SIDT2: variants seen among roughly 807,000 people sequenced by gnomAD.
The protein encoded by SIDT2 is SID1 transmembrane family, member 2.
A neutral mutation model predicts 114.4 loss-of-function variants in SIDT2; 68 were observed. The ratio of observed to expected loss-of-function variants is 0.59; its 90% CI spans 0.49 to 0.73. The LOEUF (loss-of-function observed/expected upper bound fraction) is 0.73. Ranked by LOEUF, SIDT2 falls within the 30% of genes least tolerant of loss-of-function variation. The probability of loss-of-function intolerance (pLI) is 0.00; values close to 1 mark genes in which losing one functional copy is unlikely to be tolerated. For missense variants in SIDT2, 918 were observed against 1,097.1 expected, an observed-to-expected ratio of 0.84 and a Z score of 2.31; for synonymous variants, 470 against 438.4, an observed-to-expected ratio of 1.07 and a Z score of -0.90.
Position 117,192,786 on chromosome 11 carries a change from T to TGCCCTC in SIDT2, c.2059-33_2059-28dup. On this transcript the variant is annotated intron_variant, in intron 21 of 25. Transcript: ENST00000324225. This position sits in a 1 kb window ranked among gnomAD's most constrained non-coding sequence, Gnocchi z 5.9. ...CTTCTTCCACCACCCTCCCTGCCCC[T>TGCCCTC]GCCCTCAGTCCCTGTGTCCCTGCTT... 1.2e-6 allele frequency: 2 copies of TGCCCTC among 1,614,004 alleles called. No homozygotes were observed. The highest frequency in any genetic ancestry group is 2.7e-5 in the African/African-American group (2 of 75,026).
At position 117,188,927 on chromosome 11, in the gene SIDT2, A is replaced by G; in HGVS notation, c.1278+101A>G. On this transcript the variant is annotated intron_variant, in intron 13 of 25. Coordinates refer to ENST00000324225, the MANE Select transcript of SIDT2 (RefSeq NM_001040455.2). This position sits in a 1 kb window ranked among gnomAD's most constrained non-coding sequence, Gnocchi z 4.0. ...CCACTGACGTGGCATTTAGGGAAGC[A>G]GAAGGAAGGGGCTCAGCTGGGGCAG... 8.1e-7 allele frequency: 1 copy of G among 1,241,864 alleles called. No individual in the cohort carries two copies. Among genetic ancestry groups the G allele is most frequent in the East Asian group, 2.3e-5 (1 of 42,960 alleles). 76.9% of individuals were successfully genotyped at this position (1,241,864 alleles called of 1,614,324 possible). A position where few individuals can be genotyped will look rare whatever the true frequency, so the allele number is the denominator to read the frequency against.
chr11:117,189,544 G>A, intron 15 of SIDT2, 143 bp downstream of exon 15: 1 of 856,710 alleles, frequency 1.2e-6, no homozygotes, highest in Non-Finnish European at 1.8e-6. Context: ...AGTGACCCAG[G>A]GCAAATCACA....
intron 10 of SIDT2, chr11:117,186,949 CTCTT>C: frequency 6.7e-7 from 1 of 1,482,172 alleles, no homozygotes; most frequent in Non-Finnish European, 9.0e-7. Context: ...ACCCCTCCCT[CTCTT>C]TCTGTCCTCC....
chr11:117,179,570 C>T (rs2030180868), intron 1 of SIDT2, 124 bp downstream of exon 1: 1 of 952,932 alleles, frequency 1.0e-6, no homozygotes, highest in Non-Finnish European at 1.5e-6. Flanking sequence ...GTTCCCAGTT[C>T]CCAGAACCAC....
At position 117,188,079 on chromosome 11, in the gene SIDT2, C is replaced by A; in HGVS notation, c.1159+380C>A. On this transcript the variant is annotated intron_variant, in intron 12 of 25. Coordinates refer to ENST00000324225, the MANE Select transcript of SIDT2 (RefSeq NM_001040455.2). The surrounding 1 kb of genome is among the most constrained non-coding windows in gnomAD (Gnocchi z 4.0). ...TCCCCATGTAATTCCAGTAATTGCC[C>A]GCTCTTGTGTCTTCTGAGATAGCAG... 1 of 450,702 alleles carries A rather than the reference C, an allele frequency of 2.2e-6. No homozygotes were observed. Among genetic ancestry groups the A allele is most frequent in the Admixed American group, 2.5e-5 (1 of 39,576 alleles). 27.9% of individuals were successfully genotyped at this position (450,702 alleles called of 1,614,324 possible).
Position 117,188,562 on chromosome 11 carries a change from G to A in SIDT2, c.1160-146G>A, listed in dbSNP as rs550465580. The stretch of plus-strand genomic sequence containing the variant: ...CCTGATGTCTCCTCCCAGCTCCTGA[G>A]CCCACTTCCACCCCAACTCTGAGGC... On this transcript the variant is annotated intron_variant, in intron 12 of 25. Coordinates refer to ENST00000324225, the MANE Select transcript of SIDT2 (RefSeq NM_001040455.2). The surrounding 1 kb of genome is among the most constrained non-coding windows in gnomAD (Gnocchi z 4.0). The A allele has an allele frequency of 5.9e-4, 383 of 650,836 alleles. 4 individuals are homozygous for A. Among genetic ancestry groups the A allele is most frequent in the Non-Finnish European group, 4.2e-5 (15 of 354,868 alleles). 40.3% of individuals were successfully genotyped at this position (650,836 alleles called of 1,614,324 possible).
chr11:117,193,218 G>A lies in SIDT2; in HGVS notation c.2171G>A (p.Cys724Tyr), dbSNP rs1287610967. 2 of 1,613,896 alleles carry A rather than the reference G, an allele frequency of 1.2e-6. No individual in the cohort carries two copies. Among genetic ancestry groups the A allele is most frequent in the Non-Finnish European group, 1.7e-6 (2 of 1,179,968 alleles). ...FASYLLAIGI[C>Y]NLLLYFAFYI... ...TCCTACTTGTTGGCCATTGGCATCTGCAACCTGCTCCTTTACTTCGCCTTC... is the reference window on the plus strand; with the variant it reads ...TCCTACTTGTTGGCCATTGGCATCTACAACCTGCTCCTTTACTTCGCCTTC... The change falls in exon 23 of 26, where the codon TGC becomes TAC. Residue 724 changes from cysteine to tyrosine, a missense_variant. Physicochemically the swap from Cys to Tyr is radical, Grantham distance 194. Coordinates refer to ENST00000324225, the MANE Select transcript of SIDT2 (RefSeq NM_001040455.2).
intron 18 of SIDT2, chr11:117,191,595 A>AAGGAGC (rs2030703546): frequency 2.5e-6 from 1 of 402,932 alleles, no homozygotes; most frequent in Non-Finnish European, 4.5e-6. Flanking sequence ...AAAAAAATAA[A>AAGGAGC]AGGGAGTCCC....
intron 23 of SIDT2, 33 bp from the exon 24 acceptor site, chr11:117,193,820 C>T (rs758830570): frequency 1.3e-6 from 2 of 1,549,224 alleles, no homozygotes; most frequent in South Asian, 1.1e-5. Flanking sequence ...GGGGTAAGCC[C>T]TCAGACTGCT....
intron 4 of SIDT2, 33 bp from the exon 5 acceptor site, chr11:117,182,486 G>A (rs2030328213): frequency 1.9e-6 from 3 of 1,584,972 alleles, no homozygotes; most frequent in Non-Finnish European, 2.6e-6. Context: ...ATCCTCATGA[G>A]ATGGGGCTCT....
chr11:117,186,989 G>A (rs1265707440), intron 10 of SIDT2: 2 of 1,455,734 alleles, frequency 1.4e-6, no homozygotes, highest in Non-Finnish European at 1.8e-6. Context: ...TTCTCTCTTA[G>A]CTTCTCTCCT....
At position 117,188,776 on chromosome 11, in the gene SIDT2, T is replaced by A. The variant is rs2030592882; in HGVS notation, c.1228T>A (p.Tyr410Asn). Reference protein sequence around the residue: ...DSMSSVEEDDYDTLTDIDSDK... With the variant: ...DSMSSVEEDDNDTLTDIDSDK... ...CATGAGCTCTGTGGAGGAGGATGAC[T>A]ACGACACATTGACCGACATCGATTC... Residue 410 changes from tyrosine to asparagine, a missense_variant, in exon 13 of 26, where the codon TAC (tyrosine) becomes AAC (asparagine). This residue lies in a region of SIDT2 where 553 missense variants were observed against 600.1 expected (regional missense o/e 0.92). Coordinates refer to ENST00000324225, the MANE Select transcript of SIDT2 (RefSeq NM_001040455.2). This position sits in a 1 kb window ranked among gnomAD's most constrained non-coding sequence, Gnocchi z 4.0. 6.2e-7 allele frequency: 1 copy of A among 1,614,148 alleles called. No individual in the cohort carries two copies. The highest frequency in any genetic ancestry group is 8.5e-7 in the Non-Finnish European group (1 of 1,180,022).
rs370139524 is a variant in SIDT2, at chr11:117,184,098, G to A, written c.827G>A (p.Arg276His). 9.3e-6 allele frequency: 15 copies of A among 1,614,010 alleles called. No homozygotes were observed. Among genetic ancestry groups the A allele is most frequent in the Middle Eastern group, 1.6e-4 (1 of 6,084 alleles). ...AEDEPVDQGH[R>H]QKTLSVLVSQ... is the part of the protein sequence containing the mutation. ...GATGAACCGGTCGATCAAGGGCACCGCCAGAAAACCCTGTCAGTGCTGGTG... is the reference window on the plus strand; with the variant it reads ...GATGAACCGGTCGATCAAGGGCACCACCAGAAAACCCTGTCAGTGCTGGTG... The change falls in exon 8 of 26, where the codon CGC becomes CAC. Residue 276 changes from arginine (R) to histidine (H), a missense_variant. By Grantham distance (29) the Arg-to-His change is conservative. Coordinates refer to ENST00000324225, the MANE Select transcript of SIDT2 (RefSeq NM_001040455.2).
At chr11:117,181,224 G>A (rs1188771288) in intron 1 of SIDT2, among the ~76,000 whole-genome samples, 192 bp from the exon 2 acceptor site, 2 of 152,070 alleles carry the variant, frequency 1.3e-5, no homozygotes, top group African/African-American at 4.8e-5. Context: ...GCCAGGAGCT[G>A]CACTCAGCAC....
At chr11:117,186,542 G>A (rs748579710) in intron 9 of SIDT2, 42 bp from the exon 10 acceptor site, 1 of 1,528,340 alleles carries the variant, frequency 6.5e-7, no homozygotes, top group Non-Finnish European at 8.8e-7. Context: ...AGTGATCCTT[G>A]TCCTGTCCCA....
At position 117,187,635 on chromosome 11, in the gene SIDT2, T is replaced by G. The variant is rs770791683; in HGVS notation, c.1095T>G (p.Val365=). 1.2e-6 allele frequency: 2 copies of G among 1,614,108 alleles called. No homozygotes were observed. Among genetic ancestry groups the G allele is most frequent in the Admixed American group, 3.3e-5 (2 of 60,008 alleles). Residue 365 remains valine (V), a synonymous_variant, in exon 12 of 26, where the codon GTT becomes GTG. Coordinates refer to ENST00000324225, the MANE Select transcript of SIDT2 (RefSeq NM_001040455.2). ...ACTGATCGTTCCCCACAGAGAATGTTTCTGGATCTACCGATGGTCTGGTTG... is the reference window on the plus strand; with the variant it reads ...ACTGATCGTTCCCCACAGAGAATGTGTCTGGATCTACCGATGGTCTGGTTG... ...EGYNYGSFEN[V]SGSTDGLVDS...
At chr11:117,193,047 T>C in intron 22 of SIDT2, 106 bp from the exon 23 acceptor site, 1 of 1,379,020 alleles carries the variant, frequency 7.3e-7, no homozygotes, top group South Asian at 1.2e-5. Flanking sequence ...TCTGTGGGCT[T>C]CTGAACACAG....
In SIDT2 at chr11:117,192,276, C is replaced by T. The variant is rs775161532; in HGVS notation, c.1895C>T (p.Ala632Val). The T allele has an allele frequency of 2.2e-5, 35 of 1,610,150 alleles. No homozygotes were observed. In the East Asian group the frequency reaches 4.7e-4, roughly 22 times the overall value. ...LGVVFGKGNT[A>V]FWIVFSIIHI... The stretch of plus-strand genomic sequence containing the variant: ...CAGGTCTTTGGCAAAGGGAACACGG[C>T]GTTCTGGATCGTCTTCTCCATCATT... Residue 632 changes from alanine to valine, a missense_variant, in exon 20 of 26, where the codon GCG becomes GTG. Transcript: ENST00000324225. This position sits in a 1 kb window ranked among gnomAD's most constrained non-coding sequence, Gnocchi z 5.9.
In SIDT2 at chr11:117,196,496, C is replaced by A; in HGVS notation, c.*430C>A. 1 of 213,760 alleles carries A rather than the reference C, an allele frequency of 4.7e-6. No individual in the cohort carries two copies. The allele number at this position is 213,760 out of a possible 1,614,324, so 13.2% of individuals were successfully genotyped here. Reference sequence around the variant, plus strand: ...TCTTTTTCCTCCCATACTCCCACTCCAGGGCCTAGTCTGGGGCCTGAATCT... The same window carrying A: ...TCTTTTTCCTCCCATACTCCCACTCAAGGGCCTAGTCTGGGGCCTGAATCT... On this transcript the variant is annotated 3_prime_UTR_variant, in exon 26 of 26. Coordinates refer to ENST00000324225, the MANE Select transcript of SIDT2 (RefSeq NM_001040455.2). The surrounding 1 kb of genome is among the most constrained non-coding windows in gnomAD (Gnocchi z 4.9).
Sources: allele counts gnomAD v4.1 joint callset (sites outside exome capture counted in the v4.1 genomes callset), GRCh38; gene constraint gnomAD v4.1.1; regional missense constraint gnomAD v4.1.1; non-coding constraint Gnocchi (gnomAD v3.1); transcripts MANE v1.5; gene names NCBI Gene and HGNC (gene_info 2026-07-23, HGNC 2026-07-21).